PDGFRB: variants seen among roughly 807,000 people sequenced by gnomAD.
The protein encoded by PDGFRB is platelet-derived growth factor receptor beta.
A neutral mutation model predicts 120.2 loss-of-function variants in PDGFRB; 42 were observed. The ratio of observed to expected loss-of-function variants is 0.35; its 90% CI spans 0.27 to 0.45. The LOEUF is 0.45. Ranked by LOEUF, PDGFRB falls within the 20% of genes least tolerant of loss-of-function variation. The pLI is 1.00. For missense variants in PDGFRB, 1,149 were observed against 1,476.3 expected, an observed-to-expected ratio of 0.78 and a Z score of 3.63; for synonymous variants, 586 against 606.8, an observed-to-expected ratio of 0.97 and a Z score of 0.50.
intron 22 of PDGFRB, 74 bp downstream of exon 22, chr5:150,117,544 G>GCGCACA (rs369019315): frequency 1.7e-4 from 89 of 516,476 alleles, no homozygotes; most frequent in African/African-American, 1.4e-3. Flanking sequence ...GCGCGCGCGC[G>GCGCACA]CACACACACA....
intron 1 of PDGFRB, among the ~76,000 whole-genome samples, chr5:150,154,508 G>C (rs988447838): frequency 6.6e-6 from 1 of 152,232 alleles, no homozygotes; most frequent in Non-Finnish European, 1.5e-5. Context: ...ACTCAGCACA[G>C]TTGCGGCGTG....
In PDGFRB at chr5:150,134,876, G is replaced by A. The variant is rs368667212; in HGVS notation, c.505C>T (p.Leu169=). ...TLHEKKGDVA[L]PVPYDHQRGF... ...CGTTGGTGATCATAGGGGACAGGCA[G>A]TGCAACGTCCCCTTTCTTCTCGTGC... is the stretch of plus-strand genomic sequence containing the variant. Residue 169 remains leucine (L), a synonymous_variant, in exon 4 of 23, where the codon CTG becomes TTG. Coordinates refer to ENST00000261799, the MANE Select transcript of PDGFRB (RefSeq NM_002609.4). 2 of 1,614,066 alleles carry A rather than the reference G, an allele frequency of 1.2e-6. No homozygotes were observed. Among genetic ancestry groups the A allele is most frequent in the African/African-American group, 1.3e-5 (1 of 75,066 alleles).
intron 10 of PDGFRB, among the ~76,000 whole-genome samples, chr5:150,129,025 C>T (rs939495080): frequency 5.3e-5 from 8 of 152,180 alleles, no homozygotes; most frequent in Admixed American, 1.3e-4. Flanking sequence ...ATTGTTCATA[C>T]GCACAGAAAT....
chr5:150,142,358 G>C (rs1188774089), intron 1 of PDGFRB, among the ~76,000 whole-genome samples: 1 of 152,150 alleles, frequency 6.6e-6, no homozygotes. Context: ...GCACACCTCT[G>C]TCCTGCCACA....
chr5:150,146,317 C>T (rs879704123), intron 1 of PDGFRB, among the ~76,000 whole-genome samples: 2 of 152,190 alleles, frequency 1.3e-5, no homozygotes, highest in Non-Finnish European at 2.9e-5. Context: ...TGGAAACAAA[C>T]AAAAGTCCCT....
At chr5:150,151,408 G>A (rs1034898809) in intron 1 of PDGFRB, among the ~76,000 whole-genome samples, 1 of 152,166 alleles carries the variant, frequency 6.6e-6, no homozygotes, top group African/African-American at 2.4e-5. Flanking sequence ...CACATTCTCA[G>A]GGTTTACACT....
At chr5:150,155,152 T>C (rs936075182) in intron 1 of PDGFRB, among the ~76,000 whole-genome samples, 2 of 152,228 alleles carry the variant, frequency 1.3e-5, no homozygotes, top group African/African-American at 4.8e-5. Flanking sequence ...TGAGGATTGT[T>C]TGATGAAGGC....
chr5:150,117,082 G>A (rs1759959889), intron 22 of PDGFRB, among the ~76,000 whole-genome samples: 1 of 152,170 alleles, frequency 6.6e-6, no homozygotes, highest in South Asian at 2.1e-4. Flanking sequence ...GCCCCCTCTG[G>A]GCTGTAACTT....
At chr5:150,151,278 C>T (rs1417326780) in intron 1 of PDGFRB, among the ~76,000 whole-genome samples, 1 of 152,180 alleles carries the variant, frequency 6.6e-6, no homozygotes, top group Non-Finnish European at 1.5e-5. Context: ...TCTGGGTCAA[C>T]CTCCTCGTTT....
intron 22 of PDGFRB, 79 bp downstream of exon 22, chr5:150,117,539 C>G (rs1364245700): frequency 3.4e-6 from 2 of 584,180 alleles, no homozygotes; most frequent in Non-Finnish European, 5.8e-6. Flanking sequence ...CGCGCGCGCG[C>G]GCGCGCACAC....
chr5:150,129,654 G>A, intron 10 of PDGFRB, 103 bp downstream of exon 10: 3 of 907,488 alleles, frequency 3.3e-6, no homozygotes, highest in Non-Finnish European at 5.1e-6. Flanking sequence ...CCCTGGGCAT[G>A]CTAACTCCTT....
intron 3 of PDGFRB, 117 bp from the exon 4 acceptor site, chr5:150,135,133 G>A (rs1299958858): frequency 3.2e-6 from 2 of 631,548 alleles, no homozygotes; most frequent in African/African-American, 3.7e-5. Context: ...TTACAGAATA[G>A]GGATGCTCCC....
Position 150,132,655 on chromosome 5 carries a change from A to G in PDGFRB, c.1127+95T>C, listed in dbSNP as rs2113906543. 8.3e-7 allele frequency: 1 copy of G among 1,211,918 alleles called. No homozygotes were observed. Among genetic ancestry groups the G allele is most frequent in the East Asian group, 2.5e-5 (1 of 39,646 alleles). 75.1% of individuals were successfully genotyped at this position (1,211,918 alleles called of 1,614,324 possible). Reference sequence around the variant, plus strand: ...CCTGGCACCTAATATGCTCTCAGAAAGCTGGGCCTAGGTTTGTGGCTGAAA... The same window carrying G: ...CCTGGCACCTAATATGCTCTCAGAAGGCTGGGCCTAGGTTTGTGGCTGAAA... On this transcript the variant is annotated intron_variant, in intron 7 of 22. Transcript: ENST00000261799. The surrounding 1 kb of genome is among the most constrained non-coding windows in gnomAD (Gnocchi z 5.0).
At position 150,132,802 on chromosome 5, in the gene PDGFRB, C is replaced by T. The variant is rs375484098; in HGVS notation, c.1075G>A (p.Asp359Asn). The change falls in exon 7 of 23, where the codon GAC becomes AAC. Residue 359 changes from aspartate (D) to asparagine (N), a missense_variant. By Grantham distance (23) the Asp-to-Asn change is conservative (BLOSUM62 1). Around this residue, in one of 3 missense-constraint regions of PDGFRB, gnomAD observed 879 missense variants for 1,108.6 expected, o/e 0.79. Transcript: ENST00000261799. This position sits in a 1 kb window ranked among gnomAD's most constrained non-coding sequence, Gnocchi z 5.0. ...AGGGCGATTTCGCCAGCGCTGGAGT[C>T]GCCCAGGGTGCGGTTGTCTTTGAAC... Reference protein sequence around the residue: ...LWFKDNRTLGDSSAGEIALST... With the variant: ...LWFKDNRTLGNSSAGEIALST... The T allele has an allele frequency of 5.6e-6, 9 of 1,612,678 alleles. No homozygotes were observed. The highest frequency in any genetic ancestry group is 3.3e-5 in the Admixed American group (2 of 59,890).
Position 150,123,116 on chromosome 5 carries a change from G to C in PDGFRB, c.2109C>G (p.His703Gln). 1 of 1,614,012 alleles carries C rather than the reference G, an allele frequency of 6.2e-7. No homozygotes were observed. The highest frequency in any genetic ancestry group is 8.5e-7 in the Non-Finnish European group (1 of 1,179,974). The change falls in exon 15 of 23, where the codon CAC (histidine) becomes CAG (glutamine). Residue 703 changes from histidine (H) to glutamine (Q), a missense_variant. His to Gln is a conservative substitution (Grantham distance 24, BLOSUM62 0). This residue lies in a region of PDGFRB where 879 missense variants were observed against 1,108.6 expected (regional missense o/e 0.79). Transcript: ENST00000261799. ...LHRNKHTFLQHHSDKRRPPSA... is the reference protein window; with the variant it reads ...LHRNKHTFLQQHSDKRRPPSA... ...TGGGCGGGCGGCGCTTGTCGGAGTG[G>C]TGCTGCAGGAAGGTGTGTTTGTTGC...
chr5:150,119,920 C>A, intron 19 of PDGFRB, 92 bp downstream of exon 19: 1 of 764,274 alleles, frequency 1.3e-6, no homozygotes, highest in Non-Finnish European at 2.4e-6. Flanking sequence ...TGTATCAGGG[C>A]TCGTCCCATA....
intron 1 of PDGFRB, among the ~76,000 whole-genome samples, chr5:150,142,112 C>A (rs1249100408): frequency 6.6e-6 from 1 of 152,124 alleles, no homozygotes; most frequent in Non-Finnish European, 1.5e-5. Flanking sequence ...CCTCAGGGAT[C>A]ATCTATCTGA....
Position 150,115,690 on chromosome 5 carries a change from TCAGGC to T in PDGFRB, c.*68_*72del. On this transcript the variant is annotated 3_prime_UTR_variant, in exon 23 of 23. Transcript: ENST00000261799. Reference sequence around the variant, plus strand: ...GCAGCCTGGCTGACAGGAAGCCCGGTCAGGCCAGGCCAGGAGATGCTGGGTGCTGG... The same window carrying T: ...GCAGCCTGGCTGACAGGAAGCCCGGTCAGGCCAGGAGATGCTGGGTGCTGG... 7.1e-7 allele frequency: 1 copy of T among 1,410,442 alleles called. No homozygotes were observed. Among genetic ancestry groups the T allele is most frequent in the Non-Finnish European group, 9.5e-7 (1 of 1,058,038 alleles). 87.4% of individuals were successfully genotyped at this position (1,410,442 alleles called of 1,614,324 possible). A position where few individuals can be genotyped will look rare whatever the true frequency, so the allele number is the denominator to read the frequency against.
intron 1 of PDGFRB, among the ~76,000 whole-genome samples, chr5:150,152,710 T>TA (rs11459512): frequency 0.04 from 6,046 of 152,254 alleles, 405 homozygotes; most frequent in African/African-American, 0.14. Context: ...CTTTGGAACA[T>TA]ACATGGTGTC....
Sources: gnomAD v4.1 joint callset for allele counts (sites outside exome capture counted in the v4.1 genomes callset) on GRCh38, gnomAD v4.1.1 for gene constraint, gnomAD v4.1.1 regional missense constraint, Gnocchi (gnomAD v3.1) non-coding constraint, MANE v1.5 for transcripts, NCBI Gene and HGNC (gene_info 2026-07-23, HGNC 2026-07-21) for gene names.